BACH2: variants seen among roughly 807,000 people sequenced by gnomAD.
The protein encoded by BACH2 is transcription regulator protein BACH2.
Under a neutral mutation model 61.8 loss-of-function variants are expected in BACH2, and 5 were observed. That is an observed-to-expected ratio of 0.08 (90% confidence interval 0.04 to 0.17). The LOEUF is 0.17. Among genes scored for constraint, BACH2 ranks in the 10% least tolerant of loss-of-function variants. The probability of loss-of-function intolerance (pLI) is 1.00; values close to 1 mark genes in which losing one functional copy is unlikely to be tolerated. For missense variants in BACH2, 824 were observed against 1,091.1 expected (o/e 0.76, Z 3.45); for synonymous variants, 446 against 440.1 (o/e 1.01, Z -0.17).
intron 2 of BACH2, among the ~76,000 whole-genome samples, chr6:90,255,985 A>G (rs917183511): frequency 5.9e-5 from 9 of 152,212 alleles, no homozygotes; most frequent in African/African-American, 2.2e-4. Context: ...ACATTTTCCA[A>G]CGGAGACTTG....
chr6:90,294,392 T>C (rs1772272220), intron 1 of BACH2, among the ~76,000 whole-genome samples: 1 of 152,172 alleles, frequency 6.6e-6, no homozygotes, highest in African/African-American at 2.4e-5. Context: ...TCAATGATAT[T>C]CAGGTTTCGA....
rs1429557703 is a variant in BACH2 at position 90,285,329 on chromosome 6, T to C, written c.-446+11151A>G. On this transcript the variant is annotated intron_variant, in intron 1 of 8. Transcript: ENST00000257749. Reference sequence around the variant, plus strand: ...ATAAAACAATGTCAGGCTAGTCACTTGCACCCTCGCCCCTGCTTCCCTACT... The same window carrying C: ...ATAAAACAATGTCAGGCTAGTCACTCGCACCCTCGCCCCTGCTTCCCTACT... Among the ~76,000 whole-genome samples the C allele has an allele frequency of 3.3e-5, 5 of 152,204 alleles. 1 individual carries two copies. The highest frequency in any genetic ancestry group is 6.5e-5 in the Admixed American group (1 of 15,282).
intron 4 of BACH2, among the ~76,000 whole-genome samples, chr6:90,161,960 T>C (rs546312773): frequency 6.6e-6 from 1 of 152,276 alleles, no homozygotes; most frequent in African/African-American, 2.4e-5. Context: ...CTATTAGTAC[T>C]CTGACTTCCA....
In BACH2 at chr6:90,227,765, A is replaced by G. The variant is rs1391979742; in HGVS notation, c.-274-21084T>C. ...GACTAGAAATCAACTAGACTTCAAC[A>G]ACCACATAAAGGAAAACAGAAACTC... On this transcript the variant is annotated intron_variant, in intron 3 of 8. Transcript: ENST00000257749. Among the ~76,000 whole-genome samples, 4 of 152,178 alleles carry G rather than the reference A, an allele frequency of 2.6e-5. No individual in the cohort carries two copies. The East Asian group carries it at 7.7e-4, about 29-fold the overall frequency.
intron 5 of BACH2, among the ~76,000 whole-genome samples, chr6:90,047,725 C>T: frequency 6.6e-6 from 1 of 152,144 alleles, no homozygotes; most frequent in Non-Finnish European, 1.5e-5. Context: ...CCTGTAGAGT[C>T]ACACCATCAA....
intron 4 of BACH2, among the ~76,000 whole-genome samples, chr6:90,134,320 T>C (rs1784203629): frequency 6.6e-6 from 1 of 152,254 alleles, no homozygotes; most frequent in South Asian, 2.1e-4. Flanking sequence ...ATGACTTCGC[T>C]TTTAATCCAT....
At chr6:89,997,573 C>T (rs986105086) in intron 6 of BACH2, among the ~76,000 whole-genome samples, 5 of 152,344 alleles carry the variant, frequency 3.3e-5, no homozygotes, top group African/African-American at 9.6e-5. Flanking sequence ...CAGAACGCCT[C>T]TCATGGTAGT....
chr6:90,044,839 G>C (rs992382476), intron 5 of BACH2, among the ~76,000 whole-genome samples: 3 of 152,202 alleles, frequency 2.0e-5, no homozygotes, highest in Admixed American at 6.5e-5. Flanking sequence ...AACCCCAGAG[G>C]AGGATCAGGT....
At chr6:90,292,601 G>A (rs933068538) in intron 1 of BACH2, among the ~76,000 whole-genome samples, 2 of 152,094 alleles carry the variant, frequency 1.3e-5, no homozygotes, top group African/African-American at 4.8e-5. Flanking sequence ...TTGAAGTTTT[G>A]TTTTTTTGGC....
intron 5 of BACH2, among the ~76,000 whole-genome samples, chr6:90,035,630 G>T (rs1285743623): frequency 6.6e-6 from 1 of 151,888 alleles, no homozygotes; most frequent in Non-Finnish European, 1.5e-5. Context: ...GTTGGGACCG[G>T]GGGTTCCTCA....
At chr6:89,978,308 A>G (rs1165092257) in intron 6 of BACH2, among the ~76,000 whole-genome samples, 1 of 152,200 alleles carries the variant, frequency 6.6e-6, no homozygotes, top group African/African-American at 2.4e-5. Context: ...AGGAAATTGC[A>G]TGAATAACAT....
chr6:89,937,326 C>T (rs1157085312), intron 8 of BACH2, among the ~76,000 whole-genome samples: 10 of 152,174 alleles, frequency 6.6e-5, no homozygotes, highest in African/African-American at 1.9e-4. Flanking sequence ...GTACAAGACA[C>T]GATTTGGAAT....
chr6:90,207,979 T>A (rs985591589), intron 3 of BACH2, among the ~76,000 whole-genome samples: 2 of 152,356 alleles, frequency 1.3e-5, no homozygotes, highest in East Asian at 3.9e-4. Flanking sequence ...ACGTTCCTTT[T>A]ATAAATCAGA....
In BACH2 at chr6:89,992,369, T is replaced by G. The variant is rs80164086; in HGVS notation, c.243+16233A>C. ...AATTACTCATATTGGGGCCAGGCGATGTGGCTCATGCCTATAATCCCAGCA... is the reference window on the plus strand; with the variant it reads ...AATTACTCATATTGGGGCCAGGCGAGGTGGCTCATGCCTATAATCCCAGCA... On this transcript the variant is annotated intron_variant, in intron 6 of 8. Transcript: ENST00000257749. Among the ~76,000 whole-genome samples the G allele has an allele frequency of 8.4e-3, 1,279 of 152,334 alleles. 28 individuals carry two copies. Among genetic ancestry groups the G allele is most frequent in the East Asian group, 0.08 (412 of 5,178 alleles).
intron 5 of BACH2, among the ~76,000 whole-genome samples, chr6:90,064,843 G>C (rs965356566): frequency 6.6e-6 from 1 of 152,108 alleles, no homozygotes; most frequent in African/African-American, 2.4e-5. Flanking sequence ...CCCAGCACCT[G>C]GTACATGGTA....
chr6:90,289,013 G>C (rs1053448328), intron 1 of BACH2, among the ~76,000 whole-genome samples: 1 of 152,132 alleles, frequency 6.6e-6, no homozygotes, highest in East Asian at 1.9e-4. Context: ...TTTACTTTCC[G>C]ATCCCTAAAT....
rs186363269 is a variant in BACH2, at chr6:90,175,679, A to G, written c.-162+30890T>C. Among the ~76,000 whole-genome samples the G allele has an allele frequency of 1.8e-3, 273 of 152,252 alleles. 8 individuals are homozygous for G. The South Asian group carries it at 0.034, about 19-fold the overall frequency. On this transcript the variant is annotated intron_variant, in intron 4 of 8. Coordinates refer to ENST00000257749, the MANE Select transcript of BACH2 (RefSeq NM_021813.4). ...TAGAAGGTATCATTATGTATTTTAC[A>G]TATTTTGTATTTTCTGCATATTAGA... is the stretch of plus-strand genomic sequence containing the variant.
intron 4 of BACH2, among the ~76,000 whole-genome samples, chr6:90,091,529 A>T (rs1782159180): frequency 2.0e-5 from 3 of 152,150 alleles, no homozygotes; most frequent in Admixed American, 1.3e-4. Context: ...TTTTCTAATA[A>T]TCTCTCTTTC....
At chr6:90,075,296 A>G (rs1015249131) in intron 5 of BACH2, among the ~76,000 whole-genome samples, 1 of 152,212 alleles carries the variant, frequency 6.6e-6, no homozygotes, top group Non-Finnish European at 1.5e-5. Flanking sequence ...AATAAAGCAA[A>G]GTCTGTAAGC....
Sources: gnomAD v4.1 joint callset for allele counts (sites outside exome capture counted in the v4.1 genomes callset) on GRCh38, gnomAD v4.1.1 for gene constraint, MANE v1.5 for transcripts, NCBI Gene and HGNC (gene_info 2026-07-23, HGNC 2026-07-21) for gene names.